Variants in VNN1 observed in about 807,000 individuals in gnomAD.
VNN1 encodes vanin 1.
VNN1 carries 29 observed loss-of-function variants against 41.9 expected under a neutral mutation model. The ratio of observed to expected loss-of-function variants is 0.69; its 90% CI spans 0.52 to 0.94. The LOEUF is 0.94. VNN1 is among the 40% of genes least tolerant of loss of function. VNN1 has a pLI of 0.00. For missense variants in VNN1, 637 were observed against 621.1 expected (o/e 1.03, Z -0.27); for synonymous variants, 233 against 224.4 (o/e 1.04, Z -0.34).
At chr6:132,708,136 A>G (rs1778546340) in intron 2 of VNN1, among the ~76,000 whole-genome samples, 1 of 152,214 alleles carries the variant, frequency 6.6e-6, no homozygotes, top group South Asian at 2.1e-4. Context: ...TTCATCTTTA[A>G]GTTAGGTTAT....
At position 132,713,933 on chromosome 6, in the gene VNN1, T is replaced by G. The variant is rs1328091291; in HGVS notation, c.103A>C (p.Ile35Leu). ...FTAAVYEHAA[I>L]LPNATLTPVS... ...GGTGTTAGGGTGGCATTGGGCAATA[T>G]CGCTGCATGCTCATAAACAGCTGCA... Residue 35 changes from isoleucine to leucine, a missense_variant, in exon 1 of 7, where the codon ATA (isoleucine) becomes CTA (leucine). Physicochemically the swap from Ile to Leu is conservative, Grantham distance 5. Transcript: ENST00000367928. 1 of 1,614,074 alleles carries G rather than the reference T, an allele frequency of 6.2e-7. No individual in the cohort carries two copies. The highest frequency in any genetic ancestry group is 8.5e-7 in the Non-Finnish European group (1 of 1,180,046).
chr6:132,686,690 A>T (rs1237416996), intron 5 of VNN1, among the ~76,000 whole-genome samples: 1 of 152,226 alleles, frequency 6.6e-6, no homozygotes, highest in East Asian at 1.9e-4. Context: ...AGAATTTTCT[A>T]TGAGTTTTTG....
intron 2 of VNN1, among the ~76,000 whole-genome samples, chr6:132,709,218 T>TGATA (rs3063218): frequency 1.6e-4 from 24 of 151,220 alleles, no homozygotes; most frequent in Admixed American, 1.4e-3. Flanking sequence ...GATAGATAGA[T>TGATA]GATAGATAGA....
Position 132,693,092 on chromosome 6 carries a change from G to A in VNN1, c.758C>T (p.Ala253Val), listed in dbSNP as rs189034822. 7.6e-4 allele frequency: 1,227 copies of A among 1,614,036 alleles called. No individual in the cohort carries two copies. Among genetic ancestry groups the A allele is most frequent in the Admixed American group, 1.2e-3 (75 of 60,010 alleles). ...ATTGACCCTCATGCCCATAGCCCAA[G>A]CTGAGTGGAATTCAACAGCTGACAA... ...PHLSAVEFHSAWAMGMRVNFL... is the reference protein window; with the variant it reads ...PHLSAVEFHSVWAMGMRVNFL... Residue 253 changes from alanine (A) to valine (V), a missense_variant, in exon 4 of 7, where the codon GCT becomes GTT. Coordinates refer to ENST00000367928, the MANE Select transcript of VNN1 (RefSeq NM_004666.3).
At chr6:132,689,282 CACAT>C (rs879705031) in intron 5 of VNN1, among the ~76,000 whole-genome samples, 4 of 152,206 alleles carry the variant, frequency 2.6e-5, no homozygotes, top group Admixed American at 2.6e-4. Flanking sequence ...CACACACACA[CACAT>C]ACACACATAC....
At chr6:132,703,236 T>C (rs1778472893) in intron 2 of VNN1, among the ~76,000 whole-genome samples, 1 of 152,204 alleles carries the variant, frequency 6.6e-6, no homozygotes, top group Non-Finnish European at 1.5e-5. Context: ...AACTCACTAG[T>C]AAGTACACAG....
In VNN1 at chr6:132,692,578, C is replaced by G. The variant is rs773578405; in HGVS notation, c.833G>C (p.Gly278Ala). 1 of 1,565,988 alleles carries G rather than the reference C, an allele frequency of 6.4e-7. No individual in the cohort carries two copies. The highest frequency in any genetic ancestry group is 1.2e-5 in the South Asian group (1 of 85,350). ...HYPSKKMTGS[G>A]IYAPNSSRAF... ...TCTTGAAGAATTGGGTGCATAGATG[C>G]CACTTCCTGGAAGTAATAAGTTGAA... The change falls in exon 5 of 7, where the codon GGC becomes GCC. Residue 278 changes from glycine to alanine, a missense_variant. Physicochemically the swap from Gly to Ala is moderately conservative, Grantham distance 60. Coordinates refer to ENST00000367928, the MANE Select transcript of VNN1 (RefSeq NM_004666.3).
At chr6:132,687,058 G>A (rs1778220093) in intron 5 of VNN1, among the ~76,000 whole-genome samples, 1 of 151,966 alleles carries the variant, frequency 6.6e-6, no homozygotes, top group African/African-American at 2.4e-5. Context: ...TAATCCAAGA[G>A]GCAGAAGATC....
At chr6:132,701,386 C>T (rs1483923877) in intron 2 of VNN1, among the ~76,000 whole-genome samples, 1 of 152,100 alleles carries the variant, frequency 6.6e-6, no homozygotes, top group Non-Finnish European at 1.5e-5. Flanking sequence ...AAGGAATATA[C>T]CTCAACATAA....
rs1330529875 is a variant in VNN1, at chr6:132,681,062, C to A, written c.*2078G>T. Among the ~76,000 whole-genome samples the A allele has an allele frequency of 2.6e-5, 4 of 151,952 alleles. No homozygotes were observed. Among genetic ancestry groups the A allele is most frequent in the African/African-American group, 9.7e-5 (4 of 41,382 alleles). ...TTCACTATGATAGCATCCAAAATGGCCCCCATGAAGCCCCACCTCCTGATA... is the reference window on the plus strand; with the variant it reads ...TTCACTATGATAGCATCCAAAATGGACCCCATGAAGCCCCACCTCCTGATA... On this transcript the variant is annotated 3_prime_UTR_variant, in exon 7 of 7. Transcript: ENST00000367928.
intron 2 of VNN1, among the ~76,000 whole-genome samples, chr6:132,707,467 A>T (rs1778535638): frequency 6.6e-6 from 1 of 152,238 alleles, no homozygotes; most frequent in Non-Finnish European, 1.5e-5. Context: ...AAAGAAAATC[A>T]GTATATAGAA....
intron 2 of VNN1, among the ~76,000 whole-genome samples, chr6:132,697,132 T>A (rs9689939): frequency 0.43 from 65,207 of 150,864 alleles, 15,176 homozygotes; most frequent in African/African-American, 0.59. Context: ...AAAAATATTT[T>A]AAAAAAAGAA....
intron 5 of VNN1, among the ~76,000 whole-genome samples, chr6:132,690,225 C>T (rs2114340218): frequency 6.6e-6 from 1 of 152,216 alleles, no homozygotes; most frequent in South Asian, 2.1e-4. Context: ...GGACCACTTC[C>T]ACCAGCTGAC....
rs1354610684 is a variant in VNN1, at chr6:132,693,973, T to A, written c.534+17A>T. 6.2e-7 allele frequency: 1 copy of A among 1,613,764 alleles called. No individual in the cohort carries two copies. Among genetic ancestry groups the A allele is most frequent in the Admixed American group, 1.7e-5 (1 of 60,016 alleles). ...ATTAGGCATTAACTAATTGGATTAT[T>A]TGCAAATTAATTTTACCTTATGGTA... On this transcript the variant is annotated intron_variant, in intron 3 of 6. Transcript: ENST00000367928.
rs766909071 is a variant in VNN1 at position 132,683,211 on chromosome 6, C to T, written c.1471G>A (p.Gly491Ser). Residue 491 changes from glycine (G) to serine (S), a missense_variant, in exon 7 of 7, where the codon GGC (glycine) becomes AGC (serine). Coordinates refer to ENST00000367928, the MANE Select transcript of VNN1 (RefSeq NM_004666.3). ...ATTATTCTTGCTTGTGCTGTGAGGC[C>T]TGATGAAGCATTTGATGCCCAGTCC... ...EKDWASNASS[G>S]LTAQARIIML... is the part of the protein sequence containing the mutation. 5 of 1,613,962 alleles carry T rather than the reference C, an allele frequency of 3.1e-6. No homozygotes were observed. Among genetic ancestry groups the T allele is most frequent in the East Asian group, 4.5e-5 (2 of 44,888 alleles).
chr6:132,707,385 G>C (rs187982061), intron 2 of VNN1, among the ~76,000 whole-genome samples: 35 of 152,220 alleles, frequency 2.3e-4, no homozygotes, highest in Admixed American at 2.0e-3. Flanking sequence ...ACAGTTTGAA[G>C]GTTTCTCAAA....
intron 2 of VNN1, among the ~76,000 whole-genome samples, chr6:132,706,370 G>A (rs1020865211): frequency 4.6e-5 from 7 of 152,008 alleles, no homozygotes; most frequent in African/African-American, 1.2e-4. Context: ...CAGTGAACTC[G>A]TCTTCAACAA....
In VNN1 at chr6:132,683,025, A is replaced by G. The variant is rs1192356331; in HGVS notation, c.*115T>C. 3.6e-6 allele frequency: 3 copies of G among 835,866 alleles called. No homozygotes were observed. The highest frequency in any genetic ancestry group is 5.3e-6 in the Non-Finnish European group (3 of 569,774). The allele number at this position is 835,866 out of a possible 1,614,324, so 51.8% of individuals were successfully genotyped here. ...GGTGTGTGTGTGTTTGTCTAAATAA[A>G]GAGAAACTAGTAATTCACTTATACT... On this transcript the variant is annotated 3_prime_UTR_variant, in exon 7 of 7. Coordinates refer to ENST00000367928, the MANE Select transcript of VNN1 (RefSeq NM_004666.3).
chr6:132,693,094 T>A lies in VNN1; in HGVS notation c.756A>T (p.Ser252=). 6.2e-7 allele frequency: 1 copy of A among 1,614,112 alleles called. No individual in the cohort carries two copies. The highest frequency in any genetic ancestry group is 8.5e-7 in the Non-Finnish European group (1 of 1,180,010). Residue 252 remains serine (S), a synonymous_variant, in exon 4 of 7, where the codon TCA becomes TCT. Transcript: ENST00000367928. The part of the protein sequence containing the change: ...LPHLSAVEFH[S]AWAMGMRVNF... ...TGACCCTCATGCCCATAGCCCAAGC[T>A]GAGTGGAATTCAACAGCTGACAAAT...
Sources: allele counts gnomAD v4.1 joint callset (sites outside exome capture counted in the v4.1 genomes callset), GRCh38; gene constraint gnomAD v4.1.1; transcripts MANE v1.5; gene names NCBI Gene and HGNC (gene_info 2026-07-23, HGNC 2026-07-21).